MRTFB: variants seen among roughly 807,000 people sequenced by gnomAD.
MRTFB encodes the protein myocardin related transcription factor B.
MRTFB carries 29 observed loss-of-function variants against 104.2 expected under a neutral mutation model. That is an observed-to-expected ratio of 0.28 (90% CI 0.21 to 0.38). The LOEUF (loss-of-function observed/expected upper bound fraction) is 0.38. MRTFB is among the 10% of genes least tolerant of loss of function. The pLI is 1.00. For synonymous variants in MRTFB, 535 were observed against 519.5 expected (o/e 1.03, Z -0.41); for missense variants, 1,270 against 1,341.6 (o/e 0.95, Z 0.83).
At position 14,174,641 on chromosome 16, in the gene MRTFB, C is replaced by T. The variant is rs1055951035; in HGVS notation, c.154+33881C>T. ...GAGGTTGTGGTGAGCCAAAATCACA[C>T]GACCACACTCCATCCTGGGCCACAG... On this transcript the variant is annotated intron_variant, in intron 3 of 16. Transcript: ENST00000571589. 5.9e-5 allele frequency among the ~76,000 whole-genome samples: 9 copies of T among 152,196 alleles called. No individual in the cohort carries two copies. The South Asian group carries it at 6.2e-4, about 11-fold the overall frequency.
At chr16:14,039,368 C>T in the MRTFB span, among the ~76,000 whole-genome samples, 1 of 152,106 alleles carries the variant, frequency 6.6e-6, no homozygotes, top group East Asian at 1.9e-4. Context: ...AATCATATGC[C>T]ATCAATTTCA....
rs111481922 is a variant in MRTFB, at chr16:14,111,011, G to C, written c.-63-29533G>C. Among the ~76,000 whole-genome samples the C allele has an allele frequency of 6.4e-3, 973 of 152,114 alleles. 9 individuals carry two copies. Among genetic ancestry groups the C allele is most frequent in the African/African-American group, 0.022 (918 of 41,500 alleles). On this transcript the variant is annotated intron_variant, in intron 2 of 16. Transcript: ENST00000571589. ...GATCCCACCCTATCCATCTAACTTT[G>C]TTTTCTCTTTCTAACACACCCTGCA...
the MRTFB span, among the ~76,000 whole-genome samples, chr16:14,064,956 C>T: frequency 6.6e-6 from 1 of 151,998 alleles, no homozygotes; most frequent in Non-Finnish European, 1.5e-5. Flanking sequence ...TTTTTGGTTC[C>T]GTGTGAATTT....
intron 13 of MRTFB, among the ~76,000 whole-genome samples, chr16:14,250,243 T>C (rs1473299832): frequency 2.0e-5 from 3 of 152,156 alleles, no homozygotes; most frequent in Admixed American, 2.0e-4. Flanking sequence ...ACCATGGAGA[T>C]TGTACTGTTT....
chr16:14,243,864 G>GTTTTTTTTTTTTTTTTTTTTTTTT lies in MRTFB; in HGVS notation c.1080-1651_1080-1650insTTTTTTTTTTTTTTTTTTTTTTTT. ...CAGAGATTAGTTTTGCCTGTTTTGG[G>GTTTTTTTTTTTTTTTTTTTTTTTT]TTTTTTTTTTTTTGAGACAGAGTCT... On this transcript the variant is annotated intron_variant, in intron 10 of 16. Coordinates refer to ENST00000571589, the MANE Select transcript of MRTFB (RefSeq NM_001308142.2). 1.1e-3 allele frequency among the ~76,000 whole-genome samples: 136 copies of GTTTTTTTTTTTTTTTTTTTTTTTT among 124,604 alleles called. 9 individuals carry two copies. Among genetic ancestry groups the GTTTTTTTTTTTTTTTTTTTTTTTT allele is most frequent in the African/African-American group, 4.5e-3 (118 of 26,448 alleles). The allele number at this position is 124,604 out of a possible 152,430, so 81.7% of individuals were successfully genotyped here. A position where few individuals can be genotyped will look rare whatever the true frequency, so the allele number is the denominator to read the frequency against.
intron 3 of MRTFB, among the ~76,000 whole-genome samples, chr16:14,199,553 C>T (rs973165853): frequency 2.0e-5 from 3 of 152,200 alleles, no homozygotes; most frequent in Admixed American, 6.5e-5. Flanking sequence ...AAATGGTCTA[C>T]CCAGGTGCTT....
intron 3 of MRTFB, chr16:14,200,209 C>G: frequency 8.7e-7 from 1 of 1,149,770 alleles, no homozygotes; most frequent in South Asian, 1.6e-5. Flanking sequence ...TTTGTAATAG[C>G]AAAAAACCTG....
intron 3 of MRTFB, among the ~76,000 whole-genome samples, chr16:14,185,056 G>A (rs1430726393): frequency 1.3e-5 from 2 of 152,196 alleles, no homozygotes; most frequent in Non-Finnish European, 2.9e-5. Context: ...CTTTAAAAGT[G>A]CATGAGTAGT....
the MRTFB span, among the ~76,000 whole-genome samples, chr16:14,063,634 C>T: frequency 6.6e-6 from 1 of 152,174 alleles, no homozygotes; most frequent in African/African-American, 2.4e-5. Context: ...CATGAGTTCA[C>T]TTAGGACAAT....
At chr16:14,220,886 C>G (rs977726859) in intron 8 of MRTFB, among the ~76,000 whole-genome samples, 2 of 152,188 alleles carry the variant, frequency 1.3e-5, no homozygotes, top group African/African-American at 4.8e-5. Flanking sequence ...TCCACTGTAG[C>G]TTTGCCTGTT....
chr16:14,110,845 G>A (rs1331305580), intron 2 of MRTFB, among the ~76,000 whole-genome samples: 4 of 152,000 alleles, frequency 2.6e-5, no homozygotes, highest in Non-Finnish European at 4.4e-5. Flanking sequence ...TATTCCCAGC[G>A]TGAATCCCTC....
chr16:14,097,978 TTTG>T (rs994918882), intron 2 of MRTFB, among the ~76,000 whole-genome samples: 16 of 152,332 alleles, frequency 1.1e-4, no homozygotes, highest in South Asian at 2.1e-4. Flanking sequence ...GTTCACTGTT[TTTG>T]TTGTTGTTGT....
chr16:14,092,525 C>T (rs2035140738), intron 2 of MRTFB, among the ~76,000 whole-genome samples: 1 of 152,102 alleles, frequency 6.6e-6, no homozygotes, highest in Admixed American at 6.5e-5. Context: ...TGTGCCTTTT[C>T]TTTCCTTTTT....
chr16:14,178,746 T>C (rs915680379), intron 3 of MRTFB, among the ~76,000 whole-genome samples: 10 of 151,974 alleles, frequency 6.6e-5, no homozygotes, highest in African/African-American at 2.2e-4. Flanking sequence ...GGGAGGTTTT[T>C]TTTGTTTGTT....
rs1444419801 is a variant in MRTFB at position 14,230,874 on chromosome 16, G to A, written c.694-3272G>A. 9.3e-5 allele frequency among the ~76,000 whole-genome samples: 14 copies of A among 151,176 alleles called. No individual in the cohort carries two copies. In the East Asian group the frequency reaches 2.5e-3, roughly 27 times the overall value. ...CACTATTCACAATAGCAAAGACTTG[G>A]AACCAACCCAAATGTCCAACAATGA... On this transcript the variant is annotated intron_variant, in intron 8 of 16. Coordinates refer to ENST00000571589, the MANE Select transcript of MRTFB (RefSeq NM_001308142.2).
chr16:14,091,603 G>A (rs1325992079), intron 2 of MRTFB, among the ~76,000 whole-genome samples: 5 of 152,142 alleles, frequency 3.3e-5, no homozygotes, highest in Non-Finnish European at 7.4e-5. Context: ...AAGAAGTGGA[G>A]AAGGGTTGTT....
At chr16:14,070,979 G>C (rs1596674067), upstream of MRTFB, among the ~76,000 whole-genome samples, 1 of 152,234 alleles carries the variant, frequency 6.6e-6, no homozygotes, top group African/African-American at 2.4e-5. Context: ...TCGGCGCGCA[G>C]CGAGCACTCA....
chr16:14,105,819 C>T (rs1040543855), intron 2 of MRTFB, among the ~76,000 whole-genome samples: 5 of 152,074 alleles, frequency 3.3e-5, no homozygotes, highest in African/African-American at 4.8e-5. Flanking sequence ...TTCTTAAAGA[C>T]GTAAAGTTAA....
At chr16:14,249,429 C>T (rs1239204506) in intron 13 of MRTFB, among the ~76,000 whole-genome samples, 1 of 152,176 alleles carries the variant, frequency 6.6e-6, no homozygotes, top group East Asian at 1.9e-4. Context: ...AAAAGATATG[C>T]TGTTCCCTTG....
Sources: gnomAD v4.1 joint callset for allele counts (sites outside exome capture counted in the v4.1 genomes callset) on GRCh38, gnomAD v4.1.1 for gene constraint, MANE v1.5 for transcripts, NCBI Gene and HGNC (gene_info 2026-07-23, HGNC 2026-07-21) for gene names.